The following DLG2 variants were observed in gnomAD, a reference collection of about 807,000 sequenced individuals.
DLG2 encodes the protein discs large MAGUK scaffold protein 2, also known as disks large homolog 2.
Under a neutral mutation model 132.5 loss-of-function variants are expected in DLG2, and 45 were observed. That is an observed-to-expected ratio of 0.34 (90% CI 0.27 to 0.44). The LOEUF (loss-of-function observed/expected upper bound fraction) is 0.44. Ranked by LOEUF, DLG2 falls within the 20% of genes least tolerant of loss-of-function variation. The pLI, the probability that DLG2 is intolerant of heterozygous loss-of-function variation, is 1.00. For synonymous variants in DLG2, 424 were observed against 419.6 expected (o/e 1.01, Z -0.13); for missense variants, 1,045 against 1,196.9 (o/e 0.87, Z 1.87).
intron 6 of DLG2, among the ~76,000 whole-genome samples, chr11:85,061,698 C>T (rs906698725): frequency 6.6e-5 from 10 of 151,804 alleles, no homozygotes; most frequent in South Asian, 2.1e-4. Flanking sequence ...AAATTGTGAA[C>T]GACAAATTCC....
rs570544461 is a variant in DLG2 at position 84,743,701 on chromosome 11, G to A, written c.358-208970C>T. On this transcript the variant is annotated intron_variant, in intron 6 of 27. Coordinates refer to ENST00000376104, the MANE Select transcript of DLG2 (RefSeq NM_001142699.3). ...TCTGGATGAGTTTCAAGTAGAGAAT[G>A]ACATGCGCCAAGAAAGTCTAACATA... Among the ~76,000 whole-genome samples, 13 of 152,166 alleles carry A rather than the reference G, an allele frequency of 8.5e-5. No homozygotes were observed. The South Asian group carries it at 2.5e-3, about 29-fold the overall frequency.
rs139707906 is a variant in DLG2 at position 83,472,866 on chromosome 11, A to C, written c.2294-89T>G. ...GCTCTGAAACACAGGAAACAGACAC[A>C]GCTCAGAGTTAATTCTCCTTGCTCT... On this transcript the variant is annotated intron_variant, in intron 22 of 27. Transcript: ENST00000376104. The C allele has an allele frequency of 1.5e-5, 16 of 1,089,266 alleles. No individual in the cohort carries two copies. The East Asian group carries it at 3.8e-4, about 26-fold the overall frequency. The allele number at this position is 1,089,266 out of a possible 1,614,324, so 67.5% of individuals were successfully genotyped here.
chr11:84,138,534 T>TTAAC (rs1471267210), intron 9 of DLG2, among the ~76,000 whole-genome samples: 2 of 152,174 alleles, frequency 1.3e-5, no homozygotes, highest in Non-Finnish European at 2.9e-5. Context: ...GAGAAGGGGA[T>TTAAC]TAACTAACAC....
chr11:84,381,422 T>C (rs2098748865), intron 7 of DLG2, among the ~76,000 whole-genome samples: 1 of 152,138 alleles, frequency 6.6e-6, no homozygotes, highest in Admixed American at 6.6e-5. Context: ...ATTGTACTCA[T>C]AGATGCAAAA....
At chr11:83,764,413 G>C (rs2094049058) in intron 18 of DLG2, among the ~76,000 whole-genome samples, 1 of 152,160 alleles carries the variant, frequency 6.6e-6, no homozygotes. Flanking sequence ...TTGAATGAGT[G>C]GTGCTGAAAA....
In DLG2 at chr11:84,791,866, A is replaced by G. The variant is rs1164015990; in HGVS notation, c.358-257135T>C. Among the ~76,000 whole-genome samples the G allele has an allele frequency of 3.3e-5, 5 of 152,144 alleles. No individual in the cohort carries two copies. The East Asian group carries it at 7.7e-4, about 23-fold the overall frequency. The stretch of plus-strand genomic sequence containing the variant: ...TTGGTTTTTCCCCATGTAAGATTAT[A>G]TCATCTACAAACAAGGATAATTTGG... On this transcript the variant is annotated intron_variant, in intron 6 of 27. Transcript: ENST00000376104.
chr11:83,800,644 GA>G (rs1245351015), intron 17 of DLG2, among the ~76,000 whole-genome samples: 1 of 148,918 alleles, frequency 6.7e-6, no homozygotes, highest in Non-Finnish European at 1.5e-5. Flanking sequence ...TTGGATTCCT[GA>G]TGCAAAAACA....
intron 6 of DLG2, among the ~76,000 whole-genome samples, chr11:84,826,249 A>T (rs7946198): frequency 0.82 from 124,792 of 151,838 alleles, 52,115 homozygotes; most frequent in Middle Eastern, 0.9. Context: ...TTAAATTAGA[A>T]TTTACTATAG....
intron 7 of DLG2, among the ~76,000 whole-genome samples, chr11:84,393,839 T>C (rs941452996): frequency 9.9e-5 from 15 of 152,202 alleles, no homozygotes; most frequent in African/African-American, 3.1e-4. Flanking sequence ...TATTAATGTA[T>C]ACACATCATT....
chr11:84,091,610 C>T (rs2097095188), intron 10 of DLG2, among the ~76,000 whole-genome samples: 1 of 152,182 alleles, frequency 6.6e-6, no homozygotes, highest in Admixed American at 6.5e-5. Context: ...ATTTTAGGGT[C>T]CAGAATTTAT....
chr11:84,796,065 C>T (rs2074558149), intron 6 of DLG2, among the ~76,000 whole-genome samples: 1 of 152,156 alleles, frequency 6.6e-6, no homozygotes, highest in Non-Finnish European at 1.5e-5. Context: ...CCAGTGGGCC[C>T]AAGCAAAACT....
intron 21 of DLG2, among the ~76,000 whole-genome samples, chr11:83,514,605 G>A (rs958990434): frequency 1.4e-4 from 21 of 152,242 alleles, no homozygotes; most frequent in Admixed American, 9.2e-4. Context: ...CCTGTCTTGT[G>A]CCAGTTTTCA....
chr11:84,597,606 A>G (rs975898645), intron 6 of DLG2, among the ~76,000 whole-genome samples: 1 of 152,196 alleles, frequency 6.6e-6, no homozygotes, highest in Non-Finnish European at 1.5e-5. Context: ...GAGAAAGGCT[A>G]AGATGATATG....
chr11:83,557,143 A>G (rs971411550), intron 19 of DLG2, among the ~76,000 whole-genome samples: 6 of 152,230 alleles, frequency 3.9e-5, no homozygotes, highest in Admixed American at 3.9e-4. Context: ...TAGTGTGTTC[A>G]GTGCTGAAGG....
Position 84,305,763 on chromosome 11 carries a change from G to A in DLG2, c.520-54472C>T, listed in dbSNP as rs921119321. On this transcript the variant is annotated intron_variant, in intron 7 of 27. Transcript: ENST00000376104. ...ACTCTGAAACCTAAGGGCTTATGGG[G>A]AAGTGGAGTTTTGATACAAGTTGAG... Among the ~76,000 whole-genome samples the A allele has an allele frequency of 2.6e-5, 4 of 152,174 alleles. No homozygotes were observed. In the East Asian group the frequency reaches 5.8e-4, roughly 22 times the overall value.
At chr11:85,476,244 T>C (rs975647056) in intron 3 of DLG2, among the ~76,000 whole-genome samples, 2 of 152,054 alleles carry the variant, frequency 1.3e-5, no homozygotes, top group Non-Finnish European at 1.5e-5. Context: ...AGTAAATATA[T>C]GAAAGATTTT....
At chr11:85,559,829 T>C (rs1000260394) in intron 3 of DLG2, among the ~76,000 whole-genome samples, 3 of 147,212 alleles carry the variant, frequency 2.0e-5, no homozygotes, top group African/African-American at 7.5e-5. Flanking sequence ...GATAGATAGA[T>C]AGATAGATAG....
chr11:83,876,548 T>C (rs2064836173), intron 15 of DLG2, among the ~76,000 whole-genome samples: 1 of 152,138 alleles, frequency 6.6e-6, no homozygotes, highest in Non-Finnish European at 1.5e-5. Context: ...TCACCTATAC[T>C]CCTATTACCT....
At chr11:85,171,038 G>A (rs574640185) in intron 4 of DLG2, among the ~76,000 whole-genome samples, 2 of 152,132 alleles carry the variant, frequency 1.3e-5, no homozygotes, top group East Asian at 3.9e-4. Flanking sequence ...CCAACCGGAA[G>A]ACACCATAGT....
Sources: allele counts gnomAD v4.1 joint callset (sites outside exome capture counted in the v4.1 genomes callset), GRCh38; gene constraint gnomAD v4.1.1; transcripts MANE v1.5; gene names NCBI Gene and HGNC (gene_info 2026-07-23, HGNC 2026-07-21).